SHROOM3: variants seen among roughly 807,000 people sequenced by gnomAD.
SHROOM3 encodes the protein shroom family member 3.
A neutral mutation model predicts 138.6 loss-of-function variants in SHROOM3; 47 were observed. That is an observed-to-expected ratio of 0.34 (90% CI 0.27 to 0.43). SHROOM3 has a LOEUF of 0.43. Ranked by LOEUF, SHROOM3 falls within the 20% of genes least tolerant of loss-of-function variation. The probability of loss-of-function intolerance (pLI) is 1.00; values close to 1 mark genes in which losing one functional copy is unlikely to be tolerated. For missense variants in SHROOM3, 2,491 were observed against 2,596.5 expected (o/e 0.96, Z 0.88); for synonymous variants, 1,062 against 1,063.3 (o/e 1.00, Z 0.02).
At chr4:76,438,993 C>A (rs757182480) in intron 1 of SHROOM3, among the ~76,000 whole-genome samples, 2 of 152,178 alleles carry the variant, frequency 1.3e-5, no homozygotes, top group Non-Finnish European at 2.9e-5. Context: ...GCTGCTGTAA[C>A]AAATTACTAC....
chr4:76,639,635 C>CA (rs1560575733), intron 2 of SHROOM3: 2 of 396,210 alleles, frequency 5.0e-6, no homozygotes, highest in Non-Finnish European at 4.4e-6. Flanking sequence ...AAGAAGACAA[C>CA]GAAACATGTA....
At chr4:76,629,037 G>A (rs1363055473) in intron 2 of SHROOM3, 1 of 152,182 alleles carries the variant, frequency 6.6e-6, no homozygotes, top group African/African-American at 2.4e-5. Flanking sequence ...ATAGAGATGG[G>A]GTTTTGCCAT....
chr4:76,437,921 G>T (rs1401827883), intron 1 of SHROOM3, among the ~76,000 whole-genome samples: 1 of 152,154 alleles, frequency 6.6e-6, no homozygotes, highest in Non-Finnish European at 1.5e-5. Flanking sequence ...TGACAGAAAG[G>T]TCTAATCCTC....
intron 4 of SHROOM3, among the ~76,000 whole-genome samples, chr4:76,731,440 C>T (rs1317433050): frequency 6.6e-6 from 1 of 152,196 alleles, no homozygotes; most frequent in Non-Finnish European, 1.5e-5. Context: ...TCATAGACTT[C>T]TTTAAAACAG....
intron 2 of SHROOM3, among the ~76,000 whole-genome samples, chr4:76,659,949 T>TTATTCA (rs1736147659): frequency 6.6e-6 from 1 of 152,132 alleles, no homozygotes; most frequent in African/African-American, 2.4e-5. Context: ...ATCTAAAACA[T>TTATTCA]GCATATGCTG....
At chr4:76,459,541 C>G (rs1421772478) in intron 1 of SHROOM3, among the ~76,000 whole-genome samples, 1 of 152,032 alleles carries the variant, frequency 6.6e-6, no homozygotes, top group East Asian at 1.9e-4. Context: ...ATTCACGAAA[C>G]AGGATCAAGT....
chr4:76,735,146 C>G (rs983923043), intron 4 of SHROOM3, among the ~76,000 whole-genome samples: 1 of 152,148 alleles, frequency 6.6e-6, no homozygotes, highest in Non-Finnish European at 1.5e-5. Flanking sequence ...GAACTTTGAT[C>G]CACTCAAGAT....
chr4:76,726,808 A>T (rs910998318), intron 3 of SHROOM3, among the ~76,000 whole-genome samples: 5 of 152,192 alleles, frequency 3.3e-5, no homozygotes, highest in Non-Finnish European at 5.9e-5. Context: ...TGAAGTTATC[A>T]GTAAACGTTG....
At chr4:76,484,424 T>G (rs1480493130) in intron 1 of SHROOM3, among the ~76,000 whole-genome samples, 1 of 151,540 alleles carries the variant, frequency 6.6e-6, no homozygotes, top group Non-Finnish European at 1.5e-5. Context: ...AAAAAAAATT[T>G]GCCAGGCATG....
At chr4:76,751,337 C>T (rs931851370) in intron 6 of SHROOM3, among the ~76,000 whole-genome samples, 11 of 152,168 alleles carry the variant, frequency 7.2e-5, no homozygotes, top group Admixed American at 2.6e-4. Context: ...GTCAGTTTTC[C>T]TCCATGCTGA....
intron 1 of SHROOM3, among the ~76,000 whole-genome samples, chr4:76,534,891 C>T (rs561796613): frequency 1.2e-5 from 1 of 80,288 alleles, no homozygotes; most frequent in African/African-American, 4.4e-5. Context: ...CTCTTTTTGA[C>T]TTCCTCTTAA....
intron 1 of SHROOM3, among the ~76,000 whole-genome samples, chr4:76,538,820 C>G (rs1179678703): frequency 6.6e-6 from 1 of 152,192 alleles, no homozygotes; most frequent in East Asian, 1.9e-4. Context: ...GCCAGAATCC[C>G]AGATTCTGTT....
At chr4:76,494,904 T>A (rs1376870382) in intron 1 of SHROOM3, among the ~76,000 whole-genome samples, 1 of 152,190 alleles carries the variant, frequency 6.6e-6, no homozygotes, top group Non-Finnish European at 1.5e-5. Context: ...TTCAAAGGCC[T>A]GTTCTGTTAA....
rs1722673923 is a variant in SHROOM3, at chr4:76,779,273, G to C, written c.*96G>C. Reference sequence around the variant, plus strand: ...TACAAACCACTGTTTGAACTATCTGGGTTATTGGTGTTTGTTCCTGATGAA... The same window carrying C: ...TACAAACCACTGTTTGAACTATCTGCGTTATTGGTGTTTGTTCCTGATGAA... On this transcript the variant is annotated 3_prime_UTR_variant, in exon 11 of 11. Coordinates refer to ENST00000296043, the MANE Select transcript of SHROOM3 (RefSeq NM_020859.4). The C allele has an allele frequency of 2.0e-6, 3 of 1,469,838 alleles. No individual in the cohort carries two copies. The East Asian group carries it at 6.9e-5, about 34-fold the overall frequency. The allele number at this position is 1,469,838 out of a possible 1,614,324, so 91.0% of individuals were successfully genotyped here.
chr4:76,633,800 T>C (rs1174999813), intron 2 of SHROOM3, among the ~76,000 whole-genome samples: 3 of 152,146 alleles, frequency 2.0e-5, no homozygotes, highest in Admixed American at 6.6e-5. Flanking sequence ...AATAATAGCA[T>C]TGGGATTGGA....
chr4:76,447,844 A>G (rs2109967817), intron 1 of SHROOM3, among the ~76,000 whole-genome samples: 1 of 152,246 alleles, frequency 6.6e-6, no homozygotes, highest in South Asian at 2.1e-4. Context: ...AAGCATTACT[A>G]TCACAGTTTC....
intron 6 of SHROOM3, among the ~76,000 whole-genome samples, chr4:76,754,048 G>A (rs1300735534): frequency 6.6e-6 from 1 of 152,118 alleles, no homozygotes; most frequent in Non-Finnish European, 1.5e-5. Context: ...ATGTGGGGGC[G>A]GTGAGAGGGT....
intron 1 of SHROOM3, among the ~76,000 whole-genome samples, chr4:76,550,585 T>C (rs75431740): frequency 0.038 from 5,811 of 152,230 alleles, 368 homozygotes; most frequent in African/African-American, 0.13. Flanking sequence ...AAATCTTCTT[T>C]GGTAATAATT....
chr4:76,436,475 A>G lies in SHROOM3; in HGVS notation c.168+255A>G, dbSNP rs1428032837. Among the ~76,000 whole-genome samples, 3 of 152,222 alleles carry G rather than the reference A, an allele frequency of 2.0e-5. No homozygotes were observed. In the East Asian group the frequency reaches 5.8e-4, roughly 29 times the overall value. ...CTTCTCTTTTTGTGAATGAAATCGC[A>G]TACAATCAGTTACCACATGAGCTTT... On this transcript the variant is annotated intron_variant, in intron 1 of 10. Coordinates refer to ENST00000296043, the MANE Select transcript of SHROOM3 (RefSeq NM_020859.4).
Sources: gnomAD v4.1 joint callset for allele counts (sites outside exome capture counted in the v4.1 genomes callset) on GRCh38, gnomAD v4.1.1 for gene constraint, MANE v1.5 for transcripts, NCBI Gene and HGNC (gene_info 2026-07-23, HGNC 2026-07-21) for gene names.